The following FRMPD1 variants were observed in gnomAD, a reference collection of about 807,000 sequenced individuals.
FRMPD1 encodes the protein FERM and PDZ domain containing 1.
Under a neutral mutation model 117.8 loss-of-function variants are expected in FRMPD1, and 76 were observed. That is an observed-to-expected ratio of 0.65 (90% CI 0.54 to 0.78). FRMPD1 has a LOEUF of 0.78. FRMPD1 is among the 30% of genes least tolerant of loss of function. FRMPD1 has a pLI of 0.00. For synonymous variants in FRMPD1, 783 were observed against 770.4 expected, an observed-to-expected ratio of 1.02 and a Z score of -0.27; for missense variants, 1,786 against 1,964.5, an observed-to-expected ratio of 0.91 and a Z score of 1.72.
At chr9:37,699,323 T>TTC (rs889541006) in intron 2 of FRMPD1, among the ~76,000 whole-genome samples, 3 of 115,316 alleles carry the variant, frequency 2.6e-5, no homozygotes, top group Non-Finnish European at 4.1e-5. Context: ...GTCTCTCTCT[T>TTC]TTTTTTTTTT....
chr9:37,647,439 G>A (rs1415157247), upstream of FRMPD1, among the ~76,000 whole-genome samples: 2 of 151,250 alleles, frequency 1.3e-5, no homozygotes, highest in African/African-American at 2.4e-5. Flanking sequence ...GTGAACCCAG[G>A]AGGAGGAGCT....
At chr9:37,657,438 C>G (rs1056861451) in intron 1 of FRMPD1, among the ~76,000 whole-genome samples, 1 of 152,234 alleles carries the variant, frequency 6.6e-6, no homozygotes, top group South Asian at 2.1e-4. Context: ...TATTTAGTAG[C>G]TGCAGTCTCT....
At chr9:37,617,729 T>C in the FRMPD1 span, among the ~76,000 whole-genome samples, 7 of 152,224 alleles carry the variant, frequency 4.6e-5, no homozygotes, top group African/African-American at 1.7e-4. Context: ...TAAAGATCCC[T>C]ACTGATGTAA....
chr9:37,646,190 A>G (rs144528965), upstream of FRMPD1, among the ~76,000 whole-genome samples: 23 of 152,324 alleles, frequency 1.5e-4, no homozygotes, highest in East Asian at 3.9e-3. Context: ...ATATTTCTGC[A>G]TAAGACCTTG....
At chr9:37,674,809 C>G (rs924955419) in intron 1 of FRMPD1, among the ~76,000 whole-genome samples, 1 of 152,072 alleles carries the variant, frequency 6.6e-6, no homozygotes, top group African/African-American at 2.4e-5. Context: ...AAAGACTAGC[C>G]CCTATGATTC....
chr9:37,647,585 T>A (rs1289348187), upstream of FRMPD1, among the ~76,000 whole-genome samples: 1 of 152,214 alleles, frequency 6.6e-6, no homozygotes, highest in African/African-American at 2.4e-5. Flanking sequence ...ATATATACTT[T>A]ATTTGTTGAT....
chr9:37,608,707 A>C, the FRMPD1 span, among the ~76,000 whole-genome samples: 2 of 152,152 alleles, frequency 1.3e-5, no homozygotes, highest in Non-Finnish European at 2.9e-5. Flanking sequence ...TTAATCTTAA[A>C]AGCAACCATA....
chr9:37,621,337 CA>C, the FRMPD1 span, among the ~76,000 whole-genome samples: 1 of 152,144 alleles, frequency 6.6e-6, no homozygotes, highest in African/African-American at 2.4e-5. Flanking sequence ...CAGAGGAACT[CA>C]AAACAGGATT....
chr9:37,638,169 G>A, the FRMPD1 span, among the ~76,000 whole-genome samples: 1 of 151,604 alleles, frequency 6.6e-6, no homozygotes, highest in African/African-American at 2.4e-5. Flanking sequence ...TGCCTCCTAG[G>A]TTCAAGTGAT....
At chr9:37,632,259 T>A in the FRMPD1 span, among the ~76,000 whole-genome samples, 1 of 152,220 alleles carries the variant, frequency 6.6e-6, no homozygotes, top group South Asian at 2.1e-4. Context: ...TGTATTCAAT[T>A]TCCTAATATT....
At chr9:37,662,458 A>G (rs1303106046) in intron 1 of FRMPD1, among the ~76,000 whole-genome samples, 1 of 152,214 alleles carries the variant, frequency 6.6e-6, no homozygotes, top group African/African-American at 2.4e-5. Context: ...CCTTGGCCTT[A>G]CAGAGGTCAC....
At chr9:37,743,725 T>C (rs1354403988) in intron 15 of FRMPD1, among the ~76,000 whole-genome samples, 1 of 151,028 alleles carries the variant, frequency 6.6e-6, no homozygotes, top group Non-Finnish European at 1.5e-5. Context: ...ATCTTAGGCA[T>C]CCAAAAATTT....
At chr9:37,658,384 G>T (rs2148141) in intron 1 of FRMPD1, among the ~76,000 whole-genome samples, 95,506 of 151,992 alleles carry the variant, frequency 0.63, 31,704 homozygotes, top group African/African-American at 0.85. Context: ...TCGGGTGAGT[G>T]AGCCCCCTCT....
At chr9:37,712,540 G>A (rs1254764104) in intron 5 of FRMPD1, among the ~76,000 whole-genome samples, 1 of 152,154 alleles carries the variant, frequency 6.6e-6, no homozygotes, top group Non-Finnish European at 1.5e-5. Flanking sequence ...ATTTTTAGTA[G>A]AGACAGGGTT....
At chr9:37,616,309 G>T in the FRMPD1 span, among the ~76,000 whole-genome samples, 1 of 151,048 alleles carries the variant, frequency 6.6e-6, no homozygotes, top group Admixed American at 6.6e-5. Context: ...TAAAGACGGG[G>T]TTTCACCATG....
Position 37,699,705 on chromosome 9 carries a change from A to T in FRMPD1, c.101+6963A>T, listed in dbSNP as rs116424055. On this transcript the variant is annotated intron_variant, in intron 2 of 15. Transcript: ENST00000377765. Reference sequence around the variant, plus strand: ...AAAGAAGCATAAAGAACTTAATGTGACATCGTGCTTTCTTCACTGCTTGGT... The same window carrying T: ...AAAGAAGCATAAAGAACTTAATGTGTCATCGTGCTTTCTTCACTGCTTGGT... Among the ~76,000 whole-genome samples the T allele has an allele frequency of 2.0e-3, 306 of 152,346 alleles. 1 individual carries two copies. Among genetic ancestry groups the T allele is most frequent in the African/African-American group, 6.9e-3 (287 of 41,584 alleles).
the FRMPD1 span, among the ~76,000 whole-genome samples, chr9:37,623,255 C>A: frequency 1.3e-5 from 2 of 152,048 alleles, no homozygotes; most frequent in African/African-American, 4.8e-5. Flanking sequence ...CCACCATGAA[C>A]GAGACAGCCT....
intron 1 of FRMPD1, among the ~76,000 whole-genome samples, chr9:37,659,834 T>A (rs376778169): frequency 4.0e-5 from 6 of 149,112 alleles, no homozygotes; most frequent in East Asian, 2.0e-4. Context: ...TTCTGGGCTC[T>A]CCAAATGCAA....
At chr9:37,635,222 C>T in the FRMPD1 span, among the ~76,000 whole-genome samples, 1 of 152,116 alleles carries the variant, frequency 6.6e-6, no homozygotes, top group African/African-American at 2.4e-5. Flanking sequence ...TAACCTTGCA[C>T]CAACCTTGAA....
Sources: allele counts gnomAD v4.1 joint callset (sites outside exome capture counted in the v4.1 genomes callset), GRCh38; gene constraint gnomAD v4.1.1; transcripts MANE v1.5; gene names NCBI Gene and HGNC (gene_info 2026-07-23, HGNC 2026-07-21).